C1QB: variants seen among roughly 807,000 people sequenced by gnomAD.
The protein encoded by C1QB is complement C1q B chain.
Under a neutral mutation model 4.6 loss-of-function variants are expected in C1QB, and 2 were observed. The ratio of observed to expected loss-of-function variants is 0.43; its 90% CI spans 0.18 to 1.36. C1QB has a LOEUF of 1.36. C1QB is among the 40% of genes most tolerant of loss of function. C1QB has a pLI of 0.28. For missense variants in C1QB, 292 were observed against 338.0 expected, an observed-to-expected ratio of 0.86 and a Z score of 1.07; for synonymous variants, 132 against 137.1, an observed-to-expected ratio of 0.96 and a Z score of 0.26.
chr1:22,655,190 C>T (rs1157318130), intron 1 of C1QB, among the ~76,000 whole-genome samples: 2 of 152,164 alleles, frequency 1.3e-5, no homozygotes, highest in Non-Finnish European at 2.9e-5. Context: ...TGTTAAATTG[C>T]CATTTTGTAA....
rs1401422076 is a variant in C1QB, at chr1:22,661,435, C to T, written c.*49C>T. ...CCCGGCTCCCCCTGCCAGCAACGCTCACTCTACCCCCAACACCACCCCTTG... is the reference window on the plus strand; with the variant it reads ...CCCGGCTCCCCCTGCCAGCAACGCTTACTCTACCCCCAACACCACCCCTTG... On this transcript the variant is annotated 3_prime_UTR_variant, in exon 3 of 3. Coordinates refer to ENST00000509305, the MANE Select transcript of C1QB (RefSeq NM_001378156.1). 1.9e-6 allele frequency: 3 copies of T among 1,604,918 alleles called. No individual in the cohort carries two copies. The highest frequency in any genetic ancestry group is 2.6e-6 in the Non-Finnish European group (3 of 1,173,318).
chr1:22,657,104 A>G (rs942750080), intron 1 of C1QB, among the ~76,000 whole-genome samples: 1 of 151,996 alleles, frequency 6.6e-6, no homozygotes, highest in African/African-American at 2.4e-5. Flanking sequence ...GGCACGATTG[A>G]TTAAGCCATT....
At position 22,661,570 on chromosome 1, in the gene C1QB, T is replaced by C. The variant is rs1642623591; in HGVS notation, c.*184T>C. 6.0e-6 allele frequency: 4 copies of C among 668,362 alleles called. No individual in the cohort carries two copies. Among genetic ancestry groups the C allele is most frequent in the Non-Finnish European group, 7.8e-6 (3 of 385,818 alleles). 41.4% of individuals were successfully genotyped at this position (668,362 alleles called of 1,614,324 possible). A position where few individuals can be genotyped will look rare whatever the true frequency, so the allele number is the denominator to read the frequency against. On this transcript the variant is annotated 3_prime_UTR_variant, in exon 3 of 3. Coordinates refer to ENST00000509305, the MANE Select transcript of C1QB (RefSeq NM_001378156.1). ...TAATTCAACTCTGTGTCCCAGCACC[T>C]GGCACACCAGAAGTGCCATGCTCAG...
At chr1:22,659,345 GAGATGGAT>G (rs1642584155) in intron 1 of C1QB, 87 bp from the exon 2 acceptor site, 6 of 976,054 alleles carry the variant, frequency 6.1e-6, no homozygotes, top group Non-Finnish European at 7.4e-6. Flanking sequence ...GAGGAATAGA[GAGATGGAT>G]GGATGGATGG....
At chr1:22,654,343 C>A (rs1427979730) in intron 1 of C1QB, among the ~76,000 whole-genome samples, 2 of 152,016 alleles carry the variant, frequency 1.3e-5, no homozygotes, top group Non-Finnish European at 2.9e-5. Flanking sequence ...CCCAGGAAGC[C>A]CAAGTCCTGT....
In C1QB at chr1:22,658,175, C is replaced by G. The variant is rs1232832067; in HGVS notation, c.-23-1265C>G. Among the ~76,000 whole-genome samples the G allele has an allele frequency of 3.9e-5, 6 of 152,334 alleles. No individual in the cohort carries two copies. The East Asian group carries it at 1.2e-3, about 29-fold the overall frequency. On this transcript the variant is annotated intron_variant, in intron 1 of 2. Coordinates refer to ENST00000509305, the MANE Select transcript of C1QB (RefSeq NM_001378156.1). ...AGCTTTCGGGGAATAAAACCCCAAA[C>G]TCATAGTAGCTTAGTTGCCTCTCCA...
chr1:22,653,558 C>T (rs1161735612), intron 1 of C1QB, among the ~76,000 whole-genome samples: 3 of 152,140 alleles, frequency 2.0e-5, no homozygotes, highest in African/African-American at 7.2e-5. Flanking sequence ...GCTTTGGCAT[C>T]GCAGAGACTT....
rs1391968520 is a variant in C1QB, at chr1:22,659,480, C to A, written c.18C>A (p.Gly6=). The change falls in exon 2 of 3, where the codon GGC becomes GGA. Residue 6 remains glycine (G), a synonymous_variant. Transcript: ENST00000509305. MKIPW[G]SIPVLMLLLL... The stretch of plus-strand genomic sequence containing the variant: ...GTATGATGATGAAGATCCCATGGGG[C>A]AGCATCCCAGTACTGATGTTGCTCC... 6.2e-7 allele frequency: 1 copy of A among 1,614,026 alleles called. No homozygotes were observed. Among genetic ancestry groups the A allele is most frequent in the East Asian group, 2.2e-5 (1 of 44,890 alleles).
At chr1:22,660,701 A>G in intron 2 of C1QB, 111 bp from the exon 3 acceptor site, 2 of 1,108,912 alleles carry the variant, frequency 1.8e-6, no homozygotes, top group Non-Finnish European at 1.4e-6. Flanking sequence ...CCTTCGTTTT[A>G]CAGATGGGAG....
rs138013938 is a variant in C1QB at position 22,654,770 on chromosome 1, G to A, written c.-24+1467G>A. ...TTTCCTTGTGACACTACAGGCTCCC[G>A]CCACCAGGTGAATGTGTGCTGCCTA... On this transcript the variant is annotated intron_variant, in intron 1 of 2. Transcript: ENST00000509305. 1.4e-3 allele frequency among the ~76,000 whole-genome samples: 213 copies of A among 152,280 alleles called. 1 individual carries two copies. The highest frequency in any genetic ancestry group is 5.0e-3 in the African/African-American group (206 of 41,570).
chr1:22,660,683 C>T (rs2148305871), intron 2 of C1QB, 129 bp from the exon 3 acceptor site: 1 of 924,920 alleles, frequency 1.1e-6, no homozygotes, highest in East Asian at 2.5e-5. Flanking sequence ...CCCTGCCTGA[C>T]ACTGCCTCCT....
Position 22,660,898 on chromosome 1 carries a change from A to C in C1QB, c.268A>C (p.Lys90Gln). ...IPGNPGKVGP[K>Q]GPMGPKGGPG... ...TGGGAATCCAGGAAAAGTCGGCCCC[A>C]AGGGCCCCATGGGCCCTAAAGGTGG... is the stretch of plus-strand genomic sequence containing the variant. Residue 90 changes from lysine (K) to glutamine (Q), a missense_variant, in exon 3 of 3, where the codon AAG (lysine) becomes CAG (glutamine). Lys to Gln is a moderately conservative substitution (Grantham distance 53). Coordinates refer to ENST00000509305, the MANE Select transcript of C1QB (RefSeq NM_001378156.1). 6.2e-7 allele frequency: 1 copy of C among 1,613,078 alleles called. No homozygotes were observed. Among genetic ancestry groups the C allele is most frequent in the Non-Finnish European group, 8.5e-7 (1 of 1,179,696 alleles).
At chr1:22,658,747 G>A (rs1205760307) in intron 1 of C1QB, among the ~76,000 whole-genome samples, 3 of 151,956 alleles carry the variant, frequency 2.0e-5, no homozygotes, top group Non-Finnish European at 4.4e-5. Context: ...TGAACGGATG[G>A]ATGGATAGAT....
chr1:22,655,286 A>G (rs374351340), intron 1 of C1QB, among the ~76,000 whole-genome samples: 2 of 152,236 alleles, frequency 1.3e-5, no homozygotes, highest in Admixed American at 6.5e-5. Flanking sequence ...TCTTCAGAGC[A>G]TAGAGCCTGA....
intron 2 of C1QB, 67 bp downstream of exon 2, chr1:22,659,710 A>C: frequency 6.5e-7 from 1 of 1,534,446 alleles, no homozygotes; most frequent in Non-Finnish European, 8.8e-7. Context: ...CTCCCAAGTC[A>C]CAGTTGCCTA....
intron 1 of C1QB, among the ~76,000 whole-genome samples, chr1:22,655,952 A>G (rs963807434): frequency 7.2e-5 from 11 of 152,212 alleles, no homozygotes; most frequent in Admixed American, 2.0e-4. Context: ...CTGCCTCGAG[A>G]GGTAATGAGC....
chr1:22,655,912 AC>A (rs1642523080), intron 1 of C1QB, among the ~76,000 whole-genome samples: 3 of 152,250 alleles, frequency 2.0e-5, no homozygotes, highest in African/African-American at 7.2e-5. Context: ...TGAAGAAAAA[AC>A]ATTTGGATCT....
chr1:22,660,907 A>G lies in C1QB; in HGVS notation c.277A>G (p.Met93Val). ...NPGKVGPKGP[M>V]GPKGGPGAPG... ...AGGAAAAGTCGGCCCCAAGGGCCCC[A>G]TGGGCCCTAAAGGTGGCCCAGGGGC... Residue 93 changes from methionine (M) to valine (V), a missense_variant, in exon 3 of 3, where the codon ATG becomes GTG. Coordinates refer to ENST00000509305, the MANE Select transcript of C1QB (RefSeq NM_001378156.1). 2 of 1,613,058 alleles carry G rather than the reference A, an allele frequency of 1.2e-6. No individual in the cohort carries two copies.
rs200457185 is a variant in C1QB, at chr1:22,661,018, G to C, written c.388G>C (p.Val130Leu). 6.2e-7 allele frequency: 1 copy of C among 1,613,814 alleles called. No individual in the cohort carries two copies. The highest frequency in any genetic ancestry group is 8.5e-7 in the Non-Finnish European group (1 of 1,179,938). ...IAFSATRTIN[V>L]PLRRDQTIRF... ...CTTCTCTGCCACAAGAACCATCAAC[G>C]TCCCCCTGCGCCGGGACCAGACCAT... Residue 130 changes from valine to leucine, a missense_variant, in exon 3 of 3, where the codon GTC (valine) becomes CTC (leucine). Coordinates refer to ENST00000509305, the MANE Select transcript of C1QB (RefSeq NM_001378156.1).
Sources: gnomAD v4.1 joint callset for allele counts (sites outside exome capture counted in the v4.1 genomes callset) on GRCh38, gnomAD v4.1.1 for gene constraint, MANE v1.5 for transcripts, NCBI Gene and HGNC (gene_info 2026-07-23, HGNC 2026-07-21) for gene names.